LONRF3: variants seen among roughly 807,000 people sequenced by gnomAD.
LONRF3 encodes the protein LON peptidase N-terminal domain and ring finger 3.
Under a neutral mutation model 51.7 loss-of-function variants are expected in LONRF3, and 19 were observed. That is an observed-to-expected ratio of 0.37 (90% CI 0.26 to 0.54). The LOEUF (loss-of-function observed/expected upper bound fraction) is 0.54, where lower values mean the gene tolerates loss of function less well. Among genes scored for constraint, LONRF3 ranks in the 20% least tolerant of loss-of-function variants. The pLI is 0.86. For synonymous variants in LONRF3, 265 were observed against 257.8 expected (o/e 1.03, Z -0.27); for missense variants, 521 against 623.9 (o/e 0.84, Z 1.76).
At chrX:118,978,599 A>G in intron 2 of LONRF3, 136 bp downstream of exon 2, 1 of 433,581 alleles carries the variant, frequency 2.3e-6, no homozygotes, top group Non-Finnish European at 4.0e-6. Context: ...AGCCAGGGTA[A>G]AGATCCCTGG....
At chrX:119,007,510 C>CT (rs749605453) in intron 6 of LONRF3, among the ~76,000 whole-genome samples, 6 of 112,473 alleles carry the variant, frequency 5.3e-5, no homozygotes, top group Non-Finnish European at 7.5e-5. Context: ...ACCTGAGAAT[C>CT]TATCTTGTTT....
chrX:118,986,981 C>T lies in LONRF3; in HGVS notation c.1060-2427C>T, dbSNP rs146038035. On this transcript the variant is annotated intron_variant, in intron 3 of 10. Transcript: ENST00000371628. ...CGGGGGATTCTCAGGAACATTCTCC[C>T]GATATCCTGAAGCTGTTGGCACCTC... 319 of 1,149,804 alleles carry T rather than the reference C, an allele frequency of 2.8e-4. 2 individuals carry two copies. In the African/African-American group the frequency reaches 5.2e-3, roughly 19 times the overall value. 94.8% of individuals were successfully genotyped at this position (1,149,804 alleles called of 1,213,427 possible). A position where few individuals can be genotyped will look rare whatever the true frequency, so the allele number is the denominator to read the frequency against.
intron 1 of LONRF3, 30 bp downstream of exon 1, chrX:118,975,627 T>G: frequency 1.0e-6 from 1 of 990,780 alleles, no homozygotes; most frequent in Non-Finnish European, 1.3e-6. Context: ...GGGCCGGGGC[T>G]GGGGCTCGGT....
Position 118,993,129 on chromosome X carries a change from C to CCA in LONRF3, c.1415+2569_1415+2570insCA, listed in dbSNP as rs754501391. On this transcript the variant is annotated intron_variant, in intron 5 of 10. Transcript: ENST00000371628. ...ACAAGGTTATTCTAACACCCCCCCCCAAAAACCACACTAGTTCACCAGCAA... is the reference window on the plus strand; with the variant it reads ...ACAAGGTTATTCTAACACCCCCCCCCCAAAAAACCACACTAGTTCACCAGCAA... Among the ~76,000 whole-genome samples, 10 of 108,597 alleles carry CCA rather than the reference C, an allele frequency of 9.2e-5. No homozygotes were observed. The East Asian group carries it at 1.4e-3, about 16-fold the overall frequency. 94.3% of individuals were successfully genotyped at this position (108,597 alleles called of 115,157 possible). A position where few individuals can be genotyped will look rare whatever the true frequency, so the allele number is the denominator to read the frequency against.
intron 5 of LONRF3, among the ~76,000 whole-genome samples, chrX:119,001,873 A>G (rs1011901798): frequency 6.2e-5 from 7 of 112,722 alleles, no homozygotes; most frequent in Admixed American, 1.9e-4. Context: ...TCTTAAATGA[A>G]CAATAGGCCC....
At chrX:119,014,858 C>T (rs1238425700) in intron 10 of LONRF3, among the ~76,000 whole-genome samples, 2 of 111,927 alleles carry the variant, frequency 1.8e-5, no homozygotes, top group East Asian at 2.8e-4. Context: ...AAAAACTTTT[C>T]GTGCCTCGGT....
At position 118,989,534 on chromosome X, in the gene LONRF3, G is replaced by C. The variant is rs1463575872; in HGVS notation, c.1186G>C (p.Glu396Gln). 2 of 1,209,710 alleles carry C rather than the reference G, an allele frequency of 1.7e-6. No homozygotes were observed. Among genetic ancestry groups the C allele is most frequent in the Non-Finnish European group, 2.2e-6 (2 of 895,195 alleles). ...GQQHHMKDQE[E>Q]EEEKWDATSP... is the part of the protein sequence containing the mutation. ...GCAGCACCACATGAAAGACCAGGAAGAAGAGGAGGAGAAGTGGGATGCTAC... is the reference window on the plus strand; with the variant it reads ...GCAGCACCACATGAAAGACCAGGAACAAGAGGAGGAGAAGTGGGATGCTAC... The change falls in exon 4 of 11, where the codon GAA becomes CAA. Residue 396 changes from glutamate (E) to glutamine (Q), a missense_variant. Glu to Gln is a conservative substitution (Grantham distance 29). Coordinates refer to ENST00000371628, the MANE Select transcript of LONRF3 (RefSeq NM_001031855.3).
intron 3 of LONRF3, 139 bp downstream of exon 3, chrX:118,983,082 G>A: frequency 1.8e-6 from 1 of 569,407 alleles, no homozygotes; most frequent in Admixed American, 3.7e-5. Context: ...GGGGACAAAA[G>A]GGAGATGGGA....
In LONRF3 at chrX:119,010,779, G is replaced by T. The variant is rs762255328; in HGVS notation, c.1653-1036G>T. 6.3e-5 allele frequency among the ~76,000 whole-genome samples: 7 copies of T among 111,287 alleles called. No individual in the cohort carries two copies. The South Asian group carries it at 2.6e-3, about 42-fold the overall frequency. On this transcript the variant is annotated intron_variant, in intron 7 of 10. Transcript: ENST00000371628. ...TCCCAGAAGAGCTGGCTCTGTTTTG[G>T]TTCCCCAACGGGTTGTGTGTGTGAA... is the stretch of plus-strand genomic sequence containing the variant.
intron 3 of LONRF3, among the ~76,000 whole-genome samples, chrX:118,983,488 G>A (rs1434278227): frequency 8.9e-6 from 1 of 112,509 alleles, no homozygotes; most frequent in Non-Finnish European, 1.9e-5. Context: ...ATGCTAGTCA[G>A]AGACCATTAC....
chrX:118,977,857 T>C (rs1045694032), intron 1 of LONRF3, among the ~76,000 whole-genome samples: 10 of 111,967 alleles, frequency 8.9e-5, no homozygotes, highest in African/African-American at 3.2e-4. Flanking sequence ...TCATATGTGC[T>C]GGGCTTTGTA....
At chrX:119,002,162 A>C (rs1225112666) in intron 5 of LONRF3, among the ~76,000 whole-genome samples, 2 of 112,521 alleles carry the variant, frequency 1.8e-5, no homozygotes, top group Non-Finnish European at 3.8e-5. Context: ...ATTGTAGAGA[A>C]GATACTTATG....
intron 8 of LONRF3, among the ~76,000 whole-genome samples, chrX:119,012,230 A>C (rs1925160043): frequency 9.2e-6 from 1 of 108,371 alleles, no homozygotes; most frequent in Non-Finnish European, 1.9e-5. Context: ...TGGGCCTTGG[A>C]GTCAAACTGC....
At chrX:118,981,000 A>G (rs185458515) in intron 2 of LONRF3, among the ~76,000 whole-genome samples, 4 of 112,067 alleles carry the variant, frequency 3.6e-5, no homozygotes, top group African/African-American at 1.3e-4. Context: ...ACTGATGCCT[A>G]TAATTCAAAA....
At chrX:118,978,874 A>G (rs1922295885) in intron 2 of LONRF3, among the ~76,000 whole-genome samples, 1 of 111,674 alleles carries the variant, frequency 9.0e-6, no homozygotes, top group Non-Finnish European at 1.9e-5. Context: ...TGTGAGGATT[A>G]CATAAGCTAA....
chrX:118,992,778 A>G (rs2100526), intron 5 of LONRF3, among the ~76,000 whole-genome samples: 51,614 of 109,601 alleles, frequency 0.47, 9,713 homozygotes, highest in African/African-American at 0.7. Flanking sequence ...TGCACCCACC[A>G]CCACCTCCAC....
intron 6 of LONRF3, among the ~76,000 whole-genome samples, chrX:119,008,391 C>T (rs1020249653): frequency 9.0e-5 from 10 of 111,385 alleles, no homozygotes; most frequent in Admixed American, 2.9e-4. Context: ...TGATTCACAC[C>T]GTTAAATACC....
At chrX:119,006,797 C>T (rs1209780328) in intron 6 of LONRF3, among the ~76,000 whole-genome samples, 1 of 111,281 alleles carries the variant, frequency 9.0e-6, no homozygotes, top group Non-Finnish European at 1.9e-5. Context: ...ACCGTGTTAA[C>T]CAGGATGATC....
chrX:118,996,650 C>T (rs192758461), intron 5 of LONRF3, among the ~76,000 whole-genome samples: 58 of 111,326 alleles, frequency 5.2e-4, no homozygotes, highest in African/African-American at 1.4e-3. Flanking sequence ...AGGCCAGGTG[C>T]GGTGGCTCAT....
Sources: gnomAD v4.1 joint callset for allele counts (sites outside exome capture counted in the v4.1 genomes callset) on GRCh38, gnomAD v4.1.1 for gene constraint, MANE v1.5 for transcripts, NCBI Gene and HGNC (gene_info 2026-07-23, HGNC 2026-07-21) for gene names.